Variants in SORCS1 observed in about 807,000 individuals in gnomAD.
The protein encoded by SORCS1 is sortilin related VPS10 domain containing receptor 1, also known as VPS10 domain-containing receptor SorCS1.
A neutral mutation model predicts 146.1 loss-of-function variants in SORCS1; 60 were observed. The observed-to-expected ratio is 0.41, with a 90% confidence interval of 0.33 to 0.51. The LOEUF (loss-of-function observed/expected upper bound fraction) is 0.51. Among genes scored for constraint, SORCS1 ranks in the 20% least tolerant of loss-of-function variants. The pLI is 0.21. For missense variants in SORCS1, 1,352 were observed against 1,487.6 expected, an observed-to-expected ratio of 0.91 and a Z score of 1.50; for synonymous variants, 637 against 584.0, an observed-to-expected ratio of 1.09 and a Z score of -1.31.
intron 2 of SORCS1, among the ~76,000 whole-genome samples, chr10:106,896,858 C>T (rs566560791): frequency 6.6e-6 from 1 of 151,516 alleles, no homozygotes; most frequent in East Asian, 1.9e-4. Context: ...ACATTACTCA[C>T]TCCATTTCCA....
At chr10:106,752,248 A>G (rs545514281) in intron 5 of SORCS1, among the ~76,000 whole-genome samples, 44 of 152,318 alleles carry the variant, frequency 2.9e-4, no homozygotes, top group Admixed American at 2.5e-3. Flanking sequence ...ATTTAAATTC[A>G]GAGAAGAAAG....
At chr10:106,880,341 A>C (rs11193089) in intron 2 of SORCS1, among the ~76,000 whole-genome samples, 47,303 of 152,096 alleles carry the variant, frequency 0.31, 8,247 homozygotes, top group Non-Finnish European at 0.4. Context: ...CTATAAAATC[A>C]TCTTTTTTGT....
At chr10:106,914,610 T>C (rs1020615719) in intron 2 of SORCS1, among the ~76,000 whole-genome samples, 2 of 152,198 alleles carry the variant, frequency 1.3e-5, no homozygotes, top group African/African-American at 4.8e-5. Context: ...TCATTTATCC[T>C]CTCTGGACCT....
At chr10:107,033,579 A>G (rs1233973845) in intron 1 of SORCS1, among the ~76,000 whole-genome samples, 2 of 152,200 alleles carry the variant, frequency 1.3e-5, no homozygotes, top group Non-Finnish European at 1.5e-5. Flanking sequence ...GTAAACACCA[A>G]TTTCTCTATG....
At chr10:106,842,174 C>T (rs76301653) in intron 2 of SORCS1, among the ~76,000 whole-genome samples, 5,700 of 152,080 alleles carry the variant, frequency 0.037, 144 homozygotes, top group Middle Eastern at 0.054. Context: ...TAAAGACATA[C>T]GAGGTTTAAC....
At chr10:106,667,924 C>CAA in intron 16 of SORCS1, 122 bp from the exon 17 acceptor site, 2 of 425,490 alleles carry the variant, frequency 4.7e-6, no homozygotes, top group African/African-American at 2.0e-5. Flanking sequence ...AAAATAAAAA[C>CAA]AAAAAAAAAA....
intron 3 of SORCS1, among the ~76,000 whole-genome samples, chr10:106,801,452 A>AT (rs1375488554): frequency 6.6e-6 from 1 of 151,734 alleles, no homozygotes; most frequent in Non-Finnish European, 1.5e-5. Flanking sequence ...TGTTAGGCTC[A>AT]TTTTAAGGGA....
In SORCS1 at chr10:106,575,765, A is replaced by T. The variant is rs1174023745; in HGVS notation, c.*1655T>A. 6.5e-6 allele frequency: 1 copy of T among 152,782 alleles called. No individual in the cohort carries two copies. The highest frequency in any genetic ancestry group is 1.5e-5 in the Non-Finnish European group (1 of 68,034). The allele number at this position is 152,782 out of a possible 1,614,324, so 9.5% of individuals were successfully genotyped here. A position where few individuals can be genotyped will look rare whatever the true frequency, so the allele number is the denominator to read the frequency against. ...AATCAAACTCTCACCCTAATGTAAG[A>T]CAAGACCCCCATTTATTCTCTCAGA... On this transcript the variant is annotated 3_prime_UTR_variant, in exon 26 of 26. Coordinates refer to ENST00000263054, the MANE Select transcript of SORCS1 (RefSeq NM_052918.5).
At chr10:106,658,025 C>T (rs1322954136) in intron 17 of SORCS1, among the ~76,000 whole-genome samples, 2 of 151,944 alleles carry the variant, frequency 1.3e-5, no homozygotes, top group African/African-American at 4.8e-5. Flanking sequence ...TCAAGTTCCC[C>T]CAAAATAAAA....
rs574688413 is a variant in SORCS1 at position 106,776,091 on chromosome 10, G to A, written c.885+443C>T. ...TATATACATCATTATTGTTCCTCTGGCCATTTCTCTCAGTGTTTTAGAACA... is the reference window on the plus strand; with the variant it reads ...TATATACATCATTATTGTTCCTCTGACCATTTCTCTCAGTGTTTTAGAACA... On this transcript the variant is annotated intron_variant, in intron 4 of 25. Transcript: ENST00000263054. 2.0e-5 allele frequency among the ~76,000 whole-genome samples: 3 copies of A among 152,150 alleles called. No individual in the cohort carries two copies. The South Asian group carries it at 6.3e-4, about 32-fold the overall frequency.
intron 13 of SORCS1, among the ~76,000 whole-genome samples, chr10:106,676,607 T>C (rs1852046875): frequency 6.6e-6 from 1 of 152,142 alleles, no homozygotes; most frequent in Non-Finnish European, 1.5e-5. Context: ...TAATGCAATT[T>C]CTCTCTCATG....
chr10:106,771,484 A>G (rs138602442), intron 4 of SORCS1, among the ~76,000 whole-genome samples: 23 of 152,342 alleles, frequency 1.5e-4, no homozygotes, highest in Non-Finnish European at 2.2e-4. Flanking sequence ...GAAGTAAAGG[A>G]CTATATCTCC....
intron 2 of SORCS1, among the ~76,000 whole-genome samples, chr10:106,922,085 C>T (rs1331621791): frequency 6.6e-6 from 1 of 152,128 alleles, no homozygotes. Flanking sequence ...AATGGACAGT[C>T]TTATTGAGCA....
chr10:106,844,168 G>T (rs977890418), intron 2 of SORCS1, among the ~76,000 whole-genome samples: 1 of 151,954 alleles, frequency 6.6e-6, no homozygotes, highest in African/African-American at 2.4e-5. Flanking sequence ...TATACTATTG[G>T]CTTTTTATAT....
intron 2 of SORCS1, among the ~76,000 whole-genome samples, chr10:106,839,456 G>A (rs141430606): frequency 1.5e-3 from 223 of 152,260 alleles, no homozygotes; most frequent in African/African-American, 4.9e-3. Context: ...AGGTGAAGAC[G>A]CTGTGGAAGA....
intron 1 of SORCS1, among the ~76,000 whole-genome samples, chr10:107,080,742 C>T (rs1230994036): frequency 6.6e-6 from 1 of 152,112 alleles, no homozygotes; most frequent in Non-Finnish European, 1.5e-5. Flanking sequence ...CTTTTTCATC[C>T]TTAAAACCCA....
At position 107,036,836 on chromosome 10, in the gene SORCS1, T is replaced by A. The variant is rs185032440; in HGVS notation, c.559-80256A>T. Among the ~76,000 whole-genome samples, 128 of 152,320 alleles carry A rather than the reference T, an allele frequency of 8.4e-4. 2 individuals carry two copies. The highest frequency in any genetic ancestry group is 3.4e-3 in the Middle Eastern group (1 of 294). ...GAAGGAAATCTCATGGTTAAGAAAA[T>A]GCCAAATTCTAAAACATTTAATTGG... On this transcript the variant is annotated intron_variant, in intron 1 of 25. Coordinates refer to ENST00000263054, the MANE Select transcript of SORCS1 (RefSeq NM_052918.5).
At chr10:107,164,775 G>T (rs1205767547), upstream of SORCS1, among the ~76,000 whole-genome samples, 1 of 149,044 alleles carries the variant, frequency 6.7e-6, no homozygotes, top group Admixed American at 6.7e-5. This position sits in a 1 kb window ranked among gnomAD's most constrained non-coding sequence, Gnocchi z 6.8. Context: ...AGTCACTGGC[G>T]GAGCGGGCGC....
In SORCS1 at chr10:106,961,921, A is replaced by G. The variant is rs188473984; in HGVS notation, c.559-5341T>C. ...ACTCTGCTATACATTGCCACTTAAC[A>G]AACCTGCTTTCTTCTACCATCAGCT... On this transcript the variant is annotated intron_variant, in intron 1 of 25. Transcript: ENST00000263054. Among the ~76,000 whole-genome samples, 242 of 152,298 alleles carry G rather than the reference A, an allele frequency of 1.6e-3. 1 individual carries two copies. The highest frequency in any genetic ancestry group is 3.9e-3 in the Admixed American group (60 of 15,304).
Sources: allele counts gnomAD v4.1 joint callset (sites outside exome capture counted in the v4.1 genomes callset), GRCh38; gene constraint gnomAD v4.1.1; non-coding constraint Gnocchi (gnomAD v3.1); transcripts MANE v1.5; gene names NCBI Gene and HGNC (gene_info 2026-07-23, HGNC 2026-07-21).